CSMD1: variants seen among roughly 807,000 people sequenced by gnomAD.
CSMD1 encodes CUB and sushi domain-containing protein 1.
Under a neutral mutation model 417.5 loss-of-function variants are expected in CSMD1, and 213 were observed. The ratio of observed to expected loss-of-function variants is 0.51; its 90% CI spans 0.46 to 0.57. The LOEUF (loss-of-function observed/expected upper bound fraction) is 0.57, where lower values mean the gene tolerates loss of function less well. Ranked by LOEUF, CSMD1 falls within the 20% of genes least tolerant of loss-of-function variation. The pLI is 0.00. For missense variants in CSMD1, 6,923 were observed against 4,529.7 expected (o/e 1.53, Z -15.17); for synonymous variants, 2,862 against 1,736.8 (o/e 1.65, Z -16.11).
intron 39 of CSMD1, among the ~76,000 whole-genome samples, chr8:3,152,348 AT>A (rs1819250402): frequency 6.6e-6 from 1 of 152,228 alleles, no homozygotes; most frequent in East Asian, 1.9e-4. Context: ...TATTAAAATA[AT>A]TTCTTATATT....
chr8:3,847,839 G>T (rs952087045), intron 5 of CSMD1, among the ~76,000 whole-genome samples: 2 of 152,128 alleles, frequency 1.3e-5, no homozygotes, highest in African/African-American at 4.8e-5. Flanking sequence ...GACTGATTTA[G>T]ATGTATTTGC....
At chr8:4,306,978 C>G (rs977800608) in intron 3 of CSMD1, among the ~76,000 whole-genome samples, 1 of 152,142 alleles carries the variant, frequency 6.6e-6, no homozygotes, top group Non-Finnish European at 1.5e-5. Flanking sequence ...GATCGACTGT[C>G]TTTTCCCATC....
chr8:3,929,852 C>T (rs775656251), intron 5 of CSMD1, among the ~76,000 whole-genome samples: 11 of 149,606 alleles, frequency 7.4e-5, no homozygotes, highest in South Asian at 2.2e-4. Flanking sequence ...AGTAGAGACG[C>T]GGTTTCACCA....
At chr8:3,661,654 G>T (rs746411400) in intron 7 of CSMD1, among the ~76,000 whole-genome samples, 2 of 151,884 alleles carry the variant, frequency 1.3e-5, no homozygotes, top group African/African-American at 4.8e-5. Flanking sequence ...CCACCATCTC[G>T]CCCAGCTAAT....
At chr8:4,640,434 C>A (rs1228880538) in intron 1 of CSMD1, among the ~76,000 whole-genome samples, 1 of 152,080 alleles carries the variant, frequency 6.6e-6, no homozygotes, top group East Asian at 1.9e-4. Flanking sequence ...CCTAAATAGC[C>A]AGTGGAACAG....
intron 5 of CSMD1, among the ~76,000 whole-genome samples, chr8:3,936,638 G>C (rs1829856): frequency 0.36 from 55,174 of 152,032 alleles, 10,520 homozygotes; most frequent in East Asian, 0.47. Context: ...CTCAGAAAAA[G>C]ATTCCTTTCT....
intron 12 of CSMD1, among the ~76,000 whole-genome samples, chr8:3,438,345 T>A (rs12545068): frequency 0.02 from 3,013 of 152,286 alleles, 32 homozygotes; most frequent in Non-Finnish European, 0.033. Flanking sequence ...ATACTGACGT[T>A]GAAACAGGTG....
At chr8:4,463,690 G>C (rs1287301330) in intron 2 of CSMD1, among the ~76,000 whole-genome samples, 3 of 152,152 alleles carry the variant, frequency 2.0e-5, no homozygotes, top group Admixed American at 6.5e-5. Flanking sequence ...TAAATGTCCA[G>C]AATAGGCCAA....
At chr8:4,214,681 T>C (rs1165547587) in intron 3 of CSMD1, among the ~76,000 whole-genome samples, 2 of 152,126 alleles carry the variant, frequency 1.3e-5, no homozygotes, top group African/African-American at 2.4e-5. Context: ...TGAGTGTGTT[T>C]GGTGTGTGTG....
rs1801597643 is a variant in CSMD1, at chr8:2,937,835, T to C, written c.*750A>G. ...TGGGGGAATGTTTAGCTTGATAATA[T>C]GAAATAATGCTTATATACAATGGAT... On this transcript the variant is annotated 3_prime_UTR_variant, in exon 70 of 70. Transcript: ENST00000635120. 6.5e-6 allele frequency: 1 copy of C among 152,688 alleles called. No homozygotes were observed. The highest frequency in any genetic ancestry group is 1.5e-5 in the Non-Finnish European group (1 of 68,046). 9.5% of individuals were successfully genotyped at this position (152,688 alleles called of 1,614,324 possible). A position where few individuals can be genotyped will look rare whatever the true frequency, so the allele number is the denominator to read the frequency against.
chr8:4,089,422 T>C (rs1239407669), intron 3 of CSMD1, among the ~76,000 whole-genome samples: 1 of 152,198 alleles, frequency 6.6e-6, no homozygotes, highest in Non-Finnish European at 1.5e-5. Flanking sequence ...TGGTTAGCAT[T>C]CTGTGTCATT....
intron 2 of CSMD1, among the ~76,000 whole-genome samples, chr8:4,508,606 G>A (rs908888308): frequency 2.0e-5 from 3 of 152,026 alleles, no homozygotes; most frequent in Non-Finnish European, 2.9e-5. Context: ...ATAAATAAAT[G>A]AGTCAGGAGA....
intron 5 of CSMD1, among the ~76,000 whole-genome samples, chr8:3,845,297 C>G (rs1297902099): frequency 6.6e-6 from 1 of 152,138 alleles, no homozygotes; most frequent in East Asian, 1.9e-4. Context: ...CTCACAGAAA[C>G]CTAGGTGGAC....
chr8:4,293,240 G>A (rs964157485), intron 3 of CSMD1, among the ~76,000 whole-genome samples: 4 of 152,104 alleles, frequency 2.6e-5, no homozygotes, highest in South Asian at 2.1e-4. Flanking sequence ...AGACTCCAAG[G>A]GCACAGAGTC....
intron 3 of CSMD1, among the ~76,000 whole-genome samples, chr8:4,336,472 C>G (rs966544849): frequency 6.6e-6 from 1 of 151,724 alleles, no homozygotes; most frequent in Non-Finnish European, 1.5e-5. Context: ...GATGTTTGAG[C>G]CTTCAGACAC....
chr8:3,948,713 A>G lies in CSMD1; in HGVS notation c.818+49190T>C, dbSNP rs114510567. The stretch of plus-strand genomic sequence containing the variant: ...TTCCACCAACTTAATAATGAATAAA[A>G]CCAACAATCAATAATACAGTGACTT... On this transcript the variant is annotated intron_variant, in intron 5 of 69. Transcript: ENST00000635120. 6.8e-3 allele frequency among the ~76,000 whole-genome samples: 1,030 copies of G among 152,288 alleles called. 6 individuals carry two copies. The highest frequency in any genetic ancestry group is 0.024 in the African/African-American group (997 of 41,552).
chr8:4,898,494 G>T (rs1804652050), intron 1 of CSMD1, among the ~76,000 whole-genome samples: 1 of 152,176 alleles, frequency 6.6e-6, no homozygotes, highest in African/African-American at 2.4e-5. Context: ...ATGCTTGCCT[G>T]CTCACTCCCA....
intron 3 of CSMD1, among the ~76,000 whole-genome samples, chr8:4,209,579 T>G (rs548541612): frequency 4.6e-5 from 7 of 152,300 alleles, no homozygotes; most frequent in Admixed American, 2.6e-4. Context: ...TTTGTCCACC[T>G]GCCTTTCCTT....
At chr8:3,796,933 G>C (rs182915883) in intron 5 of CSMD1, among the ~76,000 whole-genome samples, 4 of 151,588 alleles carry the variant, frequency 2.6e-5, no homozygotes, top group South Asian at 2.1e-4. Flanking sequence ...GAAGATTTTG[G>C]TTAATATGTA....
Sources: allele counts gnomAD v4.1 joint callset (sites outside exome capture counted in the v4.1 genomes callset), GRCh38; gene constraint gnomAD v4.1.1; transcripts MANE v1.5; gene names NCBI Gene and HGNC (gene_info 2026-07-23, HGNC 2026-07-21).